GNAQ: variants seen among roughly 807,000 people sequenced by gnomAD.
GNAQ encodes G protein subunit alpha q.
In GNAQ, 8 loss-of-function variants were observed where a neutral mutation model predicts 43.9. That is an observed-to-expected ratio of 0.18 (90% CI 0.11 to 0.33). The LOEUF (loss-of-function observed/expected upper bound fraction) is 0.33. Ranked by LOEUF, GNAQ falls within the 10% of genes least tolerant of loss-of-function variation. The pLI is 1.00. For missense variants in GNAQ, 158 were observed against 450.8 expected, an observed-to-expected ratio of 0.35 and a Z score of 5.88; for synonymous variants, 155 against 170.7, an observed-to-expected ratio of 0.91 and a Z score of 0.71.
At chr9:78,010,794 C>T (rs954500518) in intron 1 of GNAQ, among the ~76,000 whole-genome samples, 6 of 152,108 alleles carry the variant, frequency 3.9e-5, no homozygotes, top group Admixed American at 2.6e-4. Flanking sequence ...CACAGCTCTT[C>T]TGCTTGTAAA....
intron 2 of GNAQ, among the ~76,000 whole-genome samples, chr9:77,878,910 G>T (rs1828168409): frequency 6.6e-6 from 1 of 151,974 alleles, no homozygotes; most frequent in Admixed American, 6.6e-5. Flanking sequence ...GTCGAGCGTG[G>T]TGGTACATGC....
At chr9:77,942,460 T>C (rs549934415) in intron 1 of GNAQ, among the ~76,000 whole-genome samples, 1 of 152,286 alleles carries the variant, frequency 6.6e-6, no homozygotes, top group East Asian at 1.9e-4. Context: ...GTGAGTACTG[T>C]GATATACTTG....
chr9:77,941,757 G>C (rs185980540), intron 1 of GNAQ, among the ~76,000 whole-genome samples: 11 of 152,270 alleles, frequency 7.2e-5, no homozygotes, highest in Admixed American at 3.3e-4. Flanking sequence ...CATATGATGA[G>C]AGACTACGCA....
rs1277143712 is a variant in GNAQ, at chr9:77,762,799, C to T, written c.735+31664G>A. Reference sequence around the variant, plus strand: ...GATCCTGTTGATCTGTGACCTTAACCCCCAACCCTGTGCTCTCTGAAACAT... The same window carrying T: ...GATCCTGTTGATCTGTGACCTTAACTCCCAACCCTGTGCTCTCTGAAACAT... On this transcript the variant is annotated intron_variant, in intron 5 of 6. Coordinates refer to ENST00000286548, the MANE Select transcript of GNAQ (RefSeq NM_002072.5). Among the ~76,000 whole-genome samples the T allele has an allele frequency of 3.3e-5, 5 of 152,140 alleles. No homozygotes were observed. In the South Asian group the frequency reaches 6.2e-4, roughly 19 times the overall value.
intron 4 of GNAQ, 82 bp downstream of exon 4, chr9:77,797,438 A>G (rs1564113481): frequency 6.8e-6 from 7 of 1,026,570 alleles, no homozygotes; most frequent in Admixed American, 5.3e-5. Context: ...AAGCCTACAC[A>G]TGATTCCAGT....
chr9:77,826,439 G>A (rs1409293634), intron 2 of GNAQ, among the ~76,000 whole-genome samples: 3 of 152,200 alleles, frequency 2.0e-5, no homozygotes, highest in South Asian at 2.1e-4. Context: ...ATTAAAAAAC[G>A]TGCACCTGGG....
intron 2 of GNAQ, among the ~76,000 whole-genome samples, chr9:77,899,092 G>A (rs1218886453): frequency 1.3e-5 from 2 of 151,858 alleles, no homozygotes; most frequent in Non-Finnish European, 2.9e-5. Flanking sequence ...TCACTCACCC[G>A]TTTTTTTGTT....
At chr9:78,022,727 C>G (rs1823926160) in intron 1 of GNAQ, among the ~76,000 whole-genome samples, 1 of 152,166 alleles carries the variant, frequency 6.6e-6, no homozygotes, top group Admixed American at 6.5e-5. Context: ...TGGGTCATCT[C>G]TCTAGGACAA....
intron 2 of GNAQ, among the ~76,000 whole-genome samples, chr9:77,841,114 C>G (rs1446544913): frequency 6.6e-6 from 1 of 152,092 alleles, no homozygotes; most frequent in Non-Finnish European, 1.5e-5. Context: ...AAAACCCCAG[C>G]CCAACCAAAT....
At chr9:77,881,333 AG>A (rs1006865224) in intron 2 of GNAQ, among the ~76,000 whole-genome samples, 23 of 152,210 alleles carry the variant, frequency 1.5e-4, no homozygotes, top group African/African-American at 5.5e-4. Flanking sequence ...GCACGTGGCC[AG>A]GGCCAAAAGC....
intron 4 of GNAQ, among the ~76,000 whole-genome samples, chr9:77,796,929 T>C (rs1364644025): frequency 2.6e-5 from 4 of 152,210 alleles, no homozygotes; most frequent in Non-Finnish European, 5.9e-5. Context: ...TTAAGACCAA[T>C]GGTTTACTAA....
chr9:77,961,898 T>C (rs1823111149), intron 1 of GNAQ, among the ~76,000 whole-genome samples: 1 of 152,156 alleles, frequency 6.6e-6, no homozygotes, highest in Non-Finnish European at 1.5e-5. Flanking sequence ...GACAAGGATG[T>C]TTTTTAAAAA....
chr9:78,012,199 A>G (rs547299737), intron 1 of GNAQ, among the ~76,000 whole-genome samples: 13 of 151,740 alleles, frequency 8.6e-5, no homozygotes, highest in Non-Finnish European at 1.2e-4. Context: ...TACCCATGCA[A>G]GTTGTTATTA....
At chr9:77,729,716 T>G (rs1825457336) in intron 5 of GNAQ, among the ~76,000 whole-genome samples, 1 of 152,182 alleles carries the variant, frequency 6.6e-6, no homozygotes. Flanking sequence ...CCAACCTCCC[T>G]TCTTAGTTCT....
chr9:77,951,884 T>C (rs1822982267), intron 1 of GNAQ, among the ~76,000 whole-genome samples: 1 of 152,230 alleles, frequency 6.6e-6, no homozygotes, highest in Non-Finnish European at 1.5e-5. Flanking sequence ...CTAGGATCAG[T>C]GCATGTGACG....
chr9:77,766,878 G>A (rs368750592), intron 5 of GNAQ, among the ~76,000 whole-genome samples: 4 of 152,242 alleles, frequency 2.6e-5, no homozygotes, highest in South Asian at 4.1e-4. Context: ...TGGGGGTTAC[G>A]AAAGGTATGG....
intron 1 of GNAQ, among the ~76,000 whole-genome samples, chr9:77,972,953 CA>C (rs11356658): frequency 0.26 from 16,441 of 62,392 alleles, 892 homozygotes; most frequent in East Asian, 0.44. Flanking sequence ...GACTCCATCT[CA>C]AAAAAAAAAA....
At chr9:78,025,177 CAG>C in intron 1 of GNAQ, among the ~76,000 whole-genome samples, 1 of 152,200 alleles carries the variant, frequency 6.6e-6, no homozygotes, top group South Asian at 2.1e-4. Context: ...AGAAATCAGA[CAG>C]ATTTTTACAT....
At chr9:77,743,379 A>C (rs1249075399) in intron 5 of GNAQ, among the ~76,000 whole-genome samples, 2 of 152,202 alleles carry the variant, frequency 1.3e-5, no homozygotes, top group African/African-American at 4.8e-5. Flanking sequence ...GGGTGAAGTA[A>C]CTCTTCAGGT....
Sources: allele counts gnomAD v4.1 joint callset (sites outside exome capture counted in the v4.1 genomes callset), GRCh38; gene constraint gnomAD v4.1.1; transcripts MANE v1.5; gene names NCBI Gene and HGNC (gene_info 2026-07-23, HGNC 2026-07-21).